Variants in ZXDC observed in about 807,000 individuals in gnomAD.
ZXDC encodes the protein zinc finger protein ZXDC.
Under a neutral mutation model 63.6 loss-of-function variants are expected in ZXDC, and 58 were observed. That is an observed-to-expected ratio of 0.91 (90% CI 0.74 to 1.13). The LOEUF (loss-of-function observed/expected upper bound fraction) is 1.13, where lower values mean the gene tolerates loss of function less well. ZXDC is among the 50% of genes most tolerant of loss of function. The pLI is 0.00. For synonymous variants in ZXDC, 561 were observed against 496.1 expected (o/e 1.13, Z -1.74); for missense variants, 1,133 against 1,148.9 (o/e 0.99, Z 0.20).
At chr3:126,448,446 G>A (rs1933965733) in intron 7 of ZXDC, among the ~76,000 whole-genome samples, 1 of 152,150 alleles carries the variant, frequency 6.6e-6, no homozygotes, top group Non-Finnish European at 1.5e-5. Flanking sequence ...TACCCTGGGA[G>A]CCTCGAGAGG....
At chr3:126,465,268 C>A (rs1934712069) in intron 5 of ZXDC, among the ~76,000 whole-genome samples, 1 of 152,250 alleles carries the variant, frequency 6.6e-6, no homozygotes, top group African/African-American at 2.4e-5. Flanking sequence ...GGTGTGCTCC[C>A]CAGAGGGGCC....
intron 4 of ZXDC, among the ~76,000 whole-genome samples, chr3:126,470,104 C>T (rs1303948800): frequency 2.0e-5 from 3 of 152,138 alleles, no homozygotes; most frequent in Non-Finnish European, 2.9e-5. Flanking sequence ...GCACAGGTCA[C>T]GCAGCCAATT....
intron 4 of ZXDC, among the ~76,000 whole-genome samples, chr3:126,466,999 G>C (rs371976966): frequency 6.6e-6 from 1 of 152,190 alleles, no homozygotes; most frequent in Non-Finnish European, 1.5e-5. Flanking sequence ...GGAAGGAGAC[G>C]TGGAGCTCTT....
At chr3:126,465,571 A>G (rs1372024590) in intron 5 of ZXDC, among the ~76,000 whole-genome samples, 1 of 152,250 alleles carries the variant, frequency 6.6e-6, no homozygotes, top group Non-Finnish European at 1.5e-5. Context: ...ATTCAGGACA[A>G]AAGTCCCAGT....
At chr3:126,468,761 C>A (rs1277586755) in intron 4 of ZXDC, among the ~76,000 whole-genome samples, 2 of 152,104 alleles carry the variant, frequency 1.3e-5, no homozygotes, top group East Asian at 3.9e-4. Context: ...ACCAAGACAA[C>A]CCCGCAGGTG....
In ZXDC at chr3:126,475,557, G is replaced by A. The variant is rs752916500; in HGVS notation, c.309C>T (p.Asn103=). 2 of 1,406,202 alleles carry A rather than the reference G, an allele frequency of 1.4e-6. No individual in the cohort carries two copies. Among genetic ancestry groups the A allele is most frequent in the Non-Finnish European group, 1.9e-6 (2 of 1,076,896 alleles). 87.1% of individuals were successfully genotyped at this position (1,406,202 alleles called of 1,614,324 possible). A position where few individuals can be genotyped will look rare whatever the true frequency, so the allele number is the denominator to read the frequency against. ...SQEAEPGSRV[N]LASRPEQGPS... Reference sequence around the variant, plus strand: ...GGCCCTGCTCGGGGCGGCTCGCCAGGTTGACACGGGAGCCAGGCTCGGCCT... The same window carrying A: ...GGCCCTGCTCGGGGCGGCTCGCCAGATTGACACGGGAGCCAGGCTCGGCCT... Residue 103 remains asparagine (N), a synonymous_variant, in exon 1 of 10, where the codon AAC becomes AAT. Coordinates refer to ENST00000389709, the MANE Select transcript of ZXDC (RefSeq NM_025112.5).
chr3:126,462,946 C>T (rs997653202), intron 5 of ZXDC, among the ~76,000 whole-genome samples: 5 of 152,232 alleles, frequency 3.3e-5, no homozygotes, highest in Non-Finnish European at 7.3e-5. Context: ...CCTACCACTG[C>T]ATCTCCAGCC....
At chr3:126,460,521 A>G in intron 6 of ZXDC, 1 of 961,470 alleles carries the variant, frequency 1.0e-6, no homozygotes, top group Non-Finnish European at 1.2e-6. Flanking sequence ...TGCACCAGGG[A>G]GCTTCCATTT....
chr3:126,438,072 TACACAGCTCAGATCCAACGGG>T lies in ZXDC; in HGVS notation c.*282_*302del. The T allele has an allele frequency of 2.2e-6, 1 of 452,792 alleles. No homozygotes were observed. The highest frequency in any genetic ancestry group is 4.0e-6 in the Non-Finnish European group (1 of 248,508). 28.0% of individuals were successfully genotyped at this position (452,792 alleles called of 1,614,324 possible). ...TTTTTCTTTGTAATGCAACAAGTGC[TACACAGCTCAGATCCAACGGG>T]ACACGGGGAAAGAGGCTGTAGTGCA... On this transcript the variant is annotated 3_prime_UTR_variant, in exon 10 of 10. Transcript: ENST00000389709.
rs777582412 is a variant in ZXDC, at chr3:126,475,564, C to T, written c.302G>A (p.Arg101His). 7.1e-6 allele frequency: 10 copies of T among 1,417,546 alleles called. No individual in the cohort carries two copies. The South Asian group carries it at 1.4e-4, about 20-fold the overall frequency. 87.8% of individuals were successfully genotyped at this position (1,417,546 alleles called of 1,614,324 possible). ...CTCGGGGCGGCTCGCCAGGTTGACA[C>T]GGGAGCCAGGCTCGGCCTCCTGTGA... is the stretch of plus-strand genomic sequence containing the variant. ...AGSQEAEPGS[R>H]VNLASRPEQG... The change falls in exon 1 of 10, where the codon CGT becomes CAT. Residue 101 changes from arginine to histidine, a missense_variant. Coordinates refer to ENST00000389709, the MANE Select transcript of ZXDC (RefSeq NM_025112.5).
rs374478123 is a variant in ZXDC, at chr3:126,449,016, A to G, written c.2213-7070T>C. Among the ~76,000 whole-genome samples the G allele has an allele frequency of 3.9e-5, 6 of 152,208 alleles. 1 individual carries two copies. In the East Asian group the frequency reaches 1.2e-3, roughly 29 times the overall value. On this transcript the variant is annotated intron_variant, in intron 7 of 9. Transcript: ENST00000389709. ...GGGCAGGTCCACAGGCACGGCACAT[A>G]GCACAGGGTATGGCATAGGGCAGCC...
At chr3:126,441,249 G>A (rs1933663306) in intron 8 of ZXDC, 2 of 986,090 alleles carry the variant, frequency 2.0e-6, no homozygotes, top group East Asian at 1.1e-4. Context: ...CTGCCCTGGA[G>A]GGGCTCTGTT....
At chr3:126,457,597 C>T (rs1395884580) in intron 7 of ZXDC, 2 of 985,338 alleles carry the variant, frequency 2.0e-6, no homozygotes, top group South Asian at 9.4e-5. Flanking sequence ...CATTAAAATA[C>T]TCTGACCATC....
At chr3:126,440,800 C>T in intron 8 of ZXDC, 1 of 986,742 alleles carries the variant, frequency 1.0e-6, no homozygotes, top group Non-Finnish European at 1.2e-6. Context: ...CTTCCCTGCC[C>T]CCTTCCCAGC....
intron 1 of ZXDC, 104 bp downstream of exon 1, chr3:126,474,855 C>T (rs1030133266): frequency 9.1e-6 from 12 of 1,313,500 alleles, no homozygotes; most frequent in Non-Finnish European, 1.2e-5. Context: ...GAGCCTGCGT[C>T]CCCGGCTTGC....
chr3:126,452,751 T>TC (rs1488870147), intron 7 of ZXDC, among the ~76,000 whole-genome samples: 2 of 151,782 alleles, frequency 1.3e-5, no homozygotes, highest in East Asian at 3.9e-4. Flanking sequence ...TTTCTTTTTT[T>TC]TTTTTTTGAG....
At chr3:126,450,405 A>T (rs1381254598) in intron 7 of ZXDC, 3 of 456,704 alleles carry the variant, frequency 6.6e-6, no homozygotes, top group South Asian at 4.6e-5. Flanking sequence ...CCCCTGTTAG[A>T]GGCCACATCT....
intron 4 of ZXDC, among the ~76,000 whole-genome samples, chr3:126,470,266 A>T (rs1934933562): frequency 6.6e-6 from 1 of 152,244 alleles, no homozygotes; most frequent in East Asian, 1.9e-4. Flanking sequence ...CAGGAGTTTG[A>T]GACCATCCTG....
intron 7 of ZXDC, chr3:126,453,295 C>A: frequency 1.0e-6 from 1 of 985,296 alleles, no homozygotes; most frequent in South Asian, 4.7e-5. Context: ...ATTGCTCAGA[C>A]AGAAAAGGAA....
Sources: allele counts gnomAD v4.1 joint callset (sites outside exome capture counted in the v4.1 genomes callset), GRCh38; gene constraint gnomAD v4.1.1; transcripts MANE v1.5; gene names NCBI Gene and HGNC (gene_info 2026-07-23, HGNC 2026-07-21).